Variants in RB1 observed in about 807,000 individuals in gnomAD.
RB1 encodes retinoblastoma-associated protein.
RB1 carries 18 observed loss-of-function variants against 135.4 expected under a neutral mutation model. The ratio of observed to expected loss-of-function variants is 0.13; its 90% CI spans 0.09 to 0.20. The LOEUF (loss-of-function observed/expected upper bound fraction) is 0.20, where lower values mean the gene tolerates loss of function less well. Ranked by LOEUF, RB1 falls within the 10% of genes least tolerant of loss-of-function variation. The pLI is 1.00. For missense variants in RB1, 868 were observed against 1,110.0 expected (o/e 0.78, Z 3.10); for synonymous variants, 365 against 373.2 (o/e 0.98, Z 0.25).
chr13:48,429,217 A>C (rs1423909074), intron 17 of RB1: 1 of 152,170 alleles, frequency 6.6e-6, no homozygotes, highest in Non-Finnish European at 1.5e-5. Flanking sequence ...AATATTGTAG[A>C]CTTAGATGTA....
At chr13:48,436,428 C>T (rs956618689) in intron 17 of RB1, among the ~76,000 whole-genome samples, 12 of 152,058 alleles carry the variant, frequency 7.9e-5, no homozygotes, top group African/African-American at 2.2e-4. Context: ...GGATCACCTG[C>T]GGTCAGAAGT....
At chr13:48,365,481 C>T (rs545204785) in intron 9 of RB1, among the ~76,000 whole-genome samples, 1 of 152,258 alleles carries the variant, frequency 6.6e-6, no homozygotes, top group South Asian at 2.1e-4. Context: ...ATATTCCATC[C>T]ATCTACCTGT....
At position 48,362,853 on chromosome 13, in the gene RB1, C is replaced by G. The variant is rs1952655473; in HGVS notation, c.757C>G (p.Pro253Ala). 1 of 1,613,814 alleles carries G rather than the reference C, an allele frequency of 6.2e-7. No homozygotes were observed. The highest frequency in any genetic ancestry group is 8.5e-7 in the Non-Finnish European group (1 of 1,179,840). ...ACCCATTAATGGTTCACCTCGAACA[C>G]CCAGGCGAGGTCAGAACAGGAGTGC... ...VIPINGSPRT[P>A]RRGQNRSARI... Residue 253 changes from proline to alanine, a missense_variant, in exon 8 of 27, where the codon CCC (proline) becomes GCC (alanine). Physicochemically the swap from Pro to Ala is conservative, Grantham distance 27. Around this residue, in one of 3 missense-constraint regions of RB1, gnomAD observed 641 missense variants for 791.3 expected, o/e 0.81. Transcript: ENST00000267163.
intron 26 of RB1, among the ~76,000 whole-genome samples, chr13:48,479,085 A>G (rs1328707630): frequency 6.6e-6 from 1 of 152,102 alleles, no homozygotes; most frequent in Admixed American, 6.6e-5. Flanking sequence ...AAAATTAGCC[A>G]GGCCTGGTGG....
At chr13:48,307,034 T>C (rs1258737935) in intron 1 of RB1, among the ~76,000 whole-genome samples, 1 of 152,266 alleles carries the variant, frequency 6.6e-6, no homozygotes, top group Admixed American at 6.5e-5. Context: ...TTGAAGTATA[T>C]TTGACTTACC....
chr13:48,481,491 T>TA lies in RB1; in HGVS notation c.*1425dup, dbSNP rs1949537976. On this transcript the variant is annotated 3_prime_UTR_variant, in exon 27 of 27. Coordinates refer to ENST00000267163, the MANE Select transcript of RB1 (RefSeq NM_000321.3). ...ACTTTGTCTAACTCAGAATTATTTT[T>TA]AAAAAGAAATCTGGTCTTGTTAGAA... The TA allele has an allele frequency of 4.3e-6, 1 of 230,738 alleles. No individual in the cohort carries two copies. Among genetic ancestry groups the TA allele is most frequent in the South Asian group, 1.8e-4 (1 of 5,510 alleles). The allele number at this position is 230,738 out of a possible 1,614,324, so 14.3% of individuals were successfully genotyped here. A position where few individuals can be genotyped will look rare whatever the true frequency, so the allele number is the denominator to read the frequency against.
chr13:48,382,865 T>A (rs1331868890), intron 17 of RB1, among the ~76,000 whole-genome samples: 7 of 152,026 alleles, frequency 4.6e-5, no homozygotes, highest in Non-Finnish European at 1.5e-5. Context: ...TTGAATTAAT[T>A]TTTGTACAAG....
chr13:48,330,077 C>A lies in RB1; in HGVS notation c.265-12522C>A, dbSNP rs140461565. Among the ~76,000 whole-genome samples, 842 of 150,572 alleles carry A rather than the reference C, an allele frequency of 5.6e-3. 5 individuals carry two copies. The highest frequency in any genetic ancestry group is 0.01 in the Middle Eastern group (3 of 292). On this transcript the variant is annotated intron_variant, in intron 2 of 26. Coordinates refer to ENST00000267163, the MANE Select transcript of RB1 (RefSeq NM_000321.3). The stretch of plus-strand genomic sequence containing the variant: ...AAAATTAAACATGTTCCTGAACAAC[C>A]AATAGTCAAATAAGAAATCAAAATG...
intron 2 of RB1, chr13:48,318,768 T>C (rs4151431): frequency 1.3e-5 from 9 of 702,016 alleles, no homozygotes; most frequent in East Asian, 2.8e-5. Flanking sequence ...GCCACTGGTC[T>C]GGCTGTTGGG....
chr13:48,456,381 C>A (rs2138331835), intron 19 of RB1, 32 bp downstream of exon 19: 1 of 1,611,072 alleles, frequency 6.2e-7, no homozygotes, highest in South Asian at 1.1e-5. Context: ...AGAGCATGGA[C>A]TCTGAAACTA....
chr13:48,440,173 G>A (rs2138303659), intron 17 of RB1, among the ~76,000 whole-genome samples: 1 of 152,120 alleles, frequency 6.6e-6, no homozygotes, highest in East Asian at 1.9e-4. Flanking sequence ...GCTTCCTTGG[G>A]GACTCTGATA....
chr13:48,317,892 C>G (rs534718155), intron 2 of RB1: 1 of 403,180 alleles, frequency 2.5e-6, no homozygotes, highest in African/African-American at 2.0e-5. Context: ...AGCCCCATTT[C>G]CCGAGAGCAG....
chr13:48,379,753 G>T, intron 14 of RB1, 103 bp downstream of exon 14: 1 of 1,408,470 alleles, frequency 7.1e-7, no homozygotes, highest in Non-Finnish European at 9.7e-7. Context: ...GGAGGTCAAG[G>T]CATCAAGATC....
chr13:48,372,609 C>T (rs1362988829), intron 11 of RB1, among the ~76,000 whole-genome samples: 1 of 151,696 alleles, frequency 6.6e-6, no homozygotes, highest in Non-Finnish European at 1.5e-5. Flanking sequence ...CAAGATTGCG[C>T]CACTGCACTC....
rs1161993720 is a variant in RB1 at position 48,367,571 on chromosome 13, T to A, written c.1017T>A (p.His339Gln). 7 of 1,604,686 alleles carry A rather than the reference T, an allele frequency of 4.4e-6. No individual in the cohort carries two copies. The highest frequency in any genetic ancestry group is 6.0e-6 in the Non-Finnish European group (7 of 1,174,240). ...KDLDARLFLD[H>Q]DKTLQTDSID... is the part of the protein sequence containing the mutation. ...TAGATGCAAGATTATTTTTGGATCA[T>A]GATAAAACTCTTCAGACTGATTCTA... is the stretch of plus-strand genomic sequence containing the variant. The change falls in exon 10 of 27, where the codon CAT becomes CAA. Residue 339 changes from histidine to glutamine, a missense_variant. Physicochemically the swap from His to Gln is conservative, Grantham distance 24 (BLOSUM62 0). Transcript: ENST00000267163.
chr13:48,421,733 A>T (rs1220496066), intron 17 of RB1, among the ~76,000 whole-genome samples: 1 of 152,236 alleles, frequency 6.6e-6, no homozygotes, highest in East Asian at 1.9e-4. Context: ...TTCTCAAAAG[A>T]AGACATTTAT....
chr13:48,405,109 TAAA>T (rs1191238508), intron 17 of RB1, among the ~76,000 whole-genome samples: 2 of 151,940 alleles, frequency 1.3e-5, no homozygotes, highest in African/African-American at 2.4e-5. Context: ...TAAGACCTAA[TAAA>T]AAAACTGTCA....
At position 48,359,478 on chromosome 13, in the gene RB1, A is replaced by G. The variant is rs1456502519; in HGVS notation, c.608-539A>G. On this transcript the variant is annotated intron_variant, in intron 6 of 26. Transcript: ENST00000267163. The stretch of plus-strand genomic sequence containing the variant: ...TTAAATTTTTAGATAATGAGAATTA[A>G]TTGAATCATTGGAATTAGAATAAAT... Among the ~76,000 whole-genome samples, 5 of 148,476 alleles carry G rather than the reference A, an allele frequency of 3.4e-5. No individual in the cohort carries two copies. In the East Asian group the frequency reaches 9.9e-4, roughly 29 times the overall value.
intron 8 of RB1, 42 bp downstream of exon 8, chr13:48,362,999 T>G: frequency 6.3e-7 from 1 of 1,597,738 alleles, no homozygotes. Context: ...TTAAAGTAGA[T>G]TTAGATGTAA....
Sources: gnomAD v4.1 joint callset for allele counts (sites outside exome capture counted in the v4.1 genomes callset) on GRCh38, gnomAD v4.1.1 for gene constraint, gnomAD v4.1.1 regional missense constraint, MANE v1.5 for transcripts, NCBI Gene and HGNC (gene_info 2026-07-23, HGNC 2026-07-21) for gene names.